The following CFAP61 variants were observed in gnomAD, a reference collection of about 807,000 sequenced individuals.
CFAP61 encodes the protein cilia and flagella associated protein 61, also known as cilia- and flagella-associated protein 61.
CFAP61 carries 107 observed loss-of-function variants against 135.6 expected under a neutral mutation model. The ratio of observed to expected loss-of-function variants is 0.79; its 90% CI spans 0.67 to 0.93. The LOEUF is 0.93. Ranked by LOEUF, CFAP61 falls within the 40% of genes least tolerant of loss-of-function variation. The probability of loss-of-function intolerance (pLI) is 0.00; values close to 1 mark genes in which losing one functional copy is unlikely to be tolerated. For synonymous variants in CFAP61, 575 were observed against 578.5 expected (o/e 0.99, Z 0.09); for missense variants, 1,507 against 1,556.2 (o/e 0.97, Z 0.53).
chr20:20,061,865 GC>G (rs1425812498), intron 2 of CFAP61, among the ~76,000 whole-genome samples: 5 of 152,310 alleles, frequency 3.3e-5, no homozygotes, highest in Non-Finnish European at 5.9e-5. Context: ...AGCAGGGCTG[GC>G]CCAGGAGAGG....
chr20:20,303,485 T>C (rs974157227), intron 25 of CFAP61, among the ~76,000 whole-genome samples: 3 of 152,132 alleles, frequency 2.0e-5, no homozygotes, highest in Non-Finnish European at 4.4e-5. Context: ...AGCACCGCTG[T>C]GCCTTGTCAG....
At chr20:20,231,579 G>C (rs1032093486) in intron 18 of CFAP61, among the ~76,000 whole-genome samples, 6 of 152,130 alleles carry the variant, frequency 3.9e-5, no homozygotes, top group Admixed American at 2.0e-4. Flanking sequence ...GGGTGGGGTG[G>C]GCTCAGCTAA....
intron 25 of CFAP61, among the ~76,000 whole-genome samples, chr20:20,303,937 T>A (rs1314312034): frequency 3.3e-5 from 5 of 152,096 alleles, no homozygotes; most frequent in African/African-American, 1.2e-4. Context: ...TCTCACTCCA[T>A]CGAGGGCCAA....
chr20:20,074,360 G>A lies in CFAP61; in HGVS notation c.353G>A (p.Cys118Tyr), dbSNP rs1403195620. ...GCCGTGGATGAGTATTCTGTTGGCT[G>A]TTGCAAAGAGATTCTTCGGTGAGTG... ...FVAVDEYSVGCCKEILRTVYK... is the reference protein window; with the variant it reads ...FVAVDEYSVGYCKEILRTVYK... Residue 118 changes from cysteine (C) to tyrosine (Y), a missense_variant, in exon 4 of 27, where the codon TGT (cysteine) becomes TAT (tyrosine). Physicochemically the swap from Cys to Tyr is radical, Grantham distance 194. Coordinates refer to ENST00000245957, the MANE Select transcript of CFAP61 (RefSeq NM_015585.4). 2 of 1,613,948 alleles carry A rather than the reference G, an allele frequency of 1.2e-6. No homozygotes were observed. Among genetic ancestry groups the A allele is most frequent in the South Asian group, 1.1e-5 (1 of 91,084 alleles).
intron 6 of CFAP61, among the ~76,000 whole-genome samples, chr20:20,078,656 G>C (rs1486436883): frequency 6.6e-6 from 1 of 152,068 alleles, no homozygotes; most frequent in Admixed American, 6.6e-5. Flanking sequence ...AAAAAGCACA[G>C]GACCAGGGCA....
chr20:20,153,870 A>G (rs2052655976), intron 9 of CFAP61, among the ~76,000 whole-genome samples: 1 of 152,114 alleles, frequency 6.6e-6, no homozygotes, highest in African/African-American at 2.4e-5. Flanking sequence ...TGAAGCCAGT[A>G]TCACACTAAA....
chr20:20,226,879 G>A (rs192934826), intron 17 of CFAP61, among the ~76,000 whole-genome samples: 8 of 152,336 alleles, frequency 5.3e-5, no homozygotes, highest in East Asian at 1.9e-4. Context: ...AATCTCTTCC[G>A]AAATCTGTGT....
chr20:20,282,705 T>G (rs2424322), intron 22 of CFAP61, among the ~76,000 whole-genome samples: 133,806 of 152,236 alleles, frequency 0.88, 59,159 homozygotes, highest in African/African-American at 0.95. Flanking sequence ...TTGGGAGACC[T>G]AAGTGGGCAG....
intron 11 of CFAP61, among the ~76,000 whole-genome samples, chr20:20,164,543 G>T (rs2053663538): frequency 6.6e-6 from 1 of 152,074 alleles, no homozygotes; most frequent in African/African-American, 2.4e-5. Flanking sequence ...TTTGAATTTG[G>T]GTTACTGGTT....
chr20:20,231,628 G>C (rs1397309040), intron 18 of CFAP61, among the ~76,000 whole-genome samples: 3 of 152,182 alleles, frequency 2.0e-5, no homozygotes, highest in Admixed American at 6.5e-5. Context: ...CTTGGCCTCT[G>C]AGGGGAGCCC....
intron 13 of CFAP61, among the ~76,000 whole-genome samples, chr20:20,170,315 A>G (rs1251107164): frequency 1.3e-5 from 2 of 152,238 alleles, no homozygotes; most frequent in Non-Finnish European, 2.9e-5. Context: ...TGATTTTATT[A>G]AAATGTAACT....
chr20:20,066,661 G>A (rs966390705), intron 2 of CFAP61, among the ~76,000 whole-genome samples: 5 of 151,970 alleles, frequency 3.3e-5, no homozygotes, highest in South Asian at 2.1e-4. Flanking sequence ...GGAACATCAC[G>A]CACCAGGGCC....
chr20:20,111,980 G>A (rs1377320857), intron 8 of CFAP61, among the ~76,000 whole-genome samples: 1 of 152,118 alleles, frequency 6.6e-6, no homozygotes, highest in Non-Finnish European at 1.5e-5. Context: ...TCAGAAGCCT[G>A]CACCCTAGAG....
At position 20,142,996 on chromosome 20, in the gene CFAP61, G is replaced by A. The variant is rs755828539; in HGVS notation, c.951+48G>A. 6.0e-6 allele frequency: 7 copies of A among 1,162,348 alleles called. No homozygotes were observed. In the East Asian group the frequency reaches 1.5e-4, roughly 25 times the overall value. The allele number at this position is 1,162,348 out of a possible 1,614,324, so 72.0% of individuals were successfully genotyped here. On this transcript the variant is annotated intron_variant, in intron 9 of 26. Coordinates refer to ENST00000245957, the MANE Select transcript of CFAP61 (RefSeq NM_015585.4). ...GCCTAGGGTGGGGGGATGGGCCTGG[G>A]GGCTACCTGTGACATCAGGGGCATC...
At chr20:20,102,748 T>G (rs2048118928) in intron 8 of CFAP61, among the ~76,000 whole-genome samples, 1 of 152,070 alleles carries the variant, frequency 6.6e-6, no homozygotes, top group Non-Finnish European at 1.5e-5. Context: ...ACTCTCCTAC[T>G]GGTACATCCT....
intron 25 of CFAP61, among the ~76,000 whole-genome samples, chr20:20,302,278 T>C (rs2056155740): frequency 6.6e-6 from 1 of 152,254 alleles, no homozygotes; most frequent in African/African-American, 2.4e-5. Context: ...AATTATATCA[T>C]CTGCAAATAG....
intron 18 of CFAP61, among the ~76,000 whole-genome samples, chr20:20,237,328 GCC>G (rs748411885): frequency 7.2e-5 from 11 of 152,116 alleles, no homozygotes; most frequent in Non-Finnish European, 1.5e-4. Flanking sequence ...CTTGCTCCTT[GCC>G]CCGTTTCTCC....
intron 18 of CFAP61, among the ~76,000 whole-genome samples, chr20:20,233,398 C>G (rs1357298553): frequency 6.6e-6 from 1 of 152,214 alleles, no homozygotes; most frequent in African/African-American, 2.4e-5. Context: ...GTTCATTGCG[C>G]TGTGCAAAAA....
chr20:20,312,280 C>T (rs754682862), intron 25 of CFAP61, among the ~76,000 whole-genome samples: 1 of 152,154 alleles, frequency 6.6e-6, no homozygotes, highest in East Asian at 1.9e-4. Flanking sequence ...ACTATAACTG[C>T]ATTCCATGTG....
Sources: allele counts gnomAD v4.1 joint callset (sites outside exome capture counted in the v4.1 genomes callset), GRCh38; gene constraint gnomAD v4.1.1; transcripts MANE v1.5; gene names NCBI Gene and HGNC (gene_info 2026-07-23, HGNC 2026-07-21).